The following TBL1X variants were observed in gnomAD, a reference collection of about 807,000 sequenced individuals.
TBL1X encodes transducin beta like 1 X-linked.
In TBL1X, 10 loss-of-function variants were observed where a neutral mutation model predicts 50.7. The observed-to-expected ratio is 0.20, with a 90% CI of 0.12 to 0.33. TBL1X has a LOEUF of 0.33. TBL1X is among the 10% of genes least tolerant of loss of function. The probability of loss-of-function intolerance (pLI) is 1.00; values close to 1 mark genes in which losing one functional copy is unlikely to be tolerated. For missense variants in TBL1X, 340 were observed against 504.4 expected, an observed-to-expected ratio of 0.67 and a Z score of 3.12; for synonymous variants, 190 against 214.7, an observed-to-expected ratio of 0.88 and a Z score of 1.01.
intron 1 of TBL1X, among the ~76,000 whole-genome samples, chrX:9,490,401 TG>T (rs2081934995): frequency 8.9e-6 from 1 of 111,853 alleles, no homozygotes; most frequent in Non-Finnish European, 1.9e-5. Context: ...CACAGCTGGG[TG>T]GGGGTTGCTC....
At chrX:9,610,641 T>C (rs1423984754) in intron 2 of TBL1X, among the ~76,000 whole-genome samples, 2 of 112,436 alleles carry the variant, frequency 1.8e-5, no homozygotes, top group African/African-American at 6.5e-5. Context: ...CTTTGACTGC[T>C]TTAGGGCATC....
intron 1 of TBL1X, among the ~76,000 whole-genome samples, chrX:9,479,619 G>A (rs961408318): frequency 1.8e-5 from 2 of 111,845 alleles, no homozygotes; most frequent in African/African-American, 6.5e-5. Flanking sequence ...AACACACTTT[G>A]TCTAAATTAG....
intron 5 of TBL1X, among the ~76,000 whole-genome samples, chrX:9,657,182 C>T (rs1020203455): frequency 9.0e-6 from 1 of 111,407 alleles, no homozygotes; most frequent in African/African-American, 3.3e-5. Flanking sequence ...TGGCAGGAAG[C>T]GGGTGGGGGT....
chrX:9,492,869 G>A (rs866043645), intron 1 of TBL1X, among the ~76,000 whole-genome samples: 12 of 62,227 alleles, frequency 1.9e-4, no homozygotes, highest in Admixed American at 6.5e-4. Context: ...GTGTGTGTGT[G>A]TGTGTGTGTG....
At chrX:9,694,234 A>G (rs919708444) in intron 11 of TBL1X, among the ~76,000 whole-genome samples, 3 of 72,875 alleles carry the variant, frequency 4.1e-5, no homozygotes, top group African/African-American at 1.7e-4. Flanking sequence ...TCTAGAATTG[A>G]GAAAAAAAAA....
intron 1 of TBL1X, among the ~76,000 whole-genome samples, chrX:9,496,570 C>T (rs995104581): frequency 8.0e-5 from 9 of 112,641 alleles, no homozygotes; most frequent in Non-Finnish European, 1.5e-4. Flanking sequence ...CAAATGCTGG[C>T]AGCCTCTTAG....
chrX:9,683,870 T>A, intron 5 of TBL1X, 173 bp from the exon 6 acceptor site: 2 of 650,338 alleles, frequency 3.1e-6, no homozygotes, highest in African/African-American at 2.1e-5. Context: ...CTCCCTGCCC[T>A]TTCCCACCTT....
At chrX:9,466,413 A>G (rs1177102257) in intron 1 of TBL1X, among the ~76,000 whole-genome samples, 1 of 112,766 alleles carries the variant, frequency 8.9e-6, no homozygotes, top group African/African-American at 3.2e-5. Flanking sequence ...GCTCCCTGCA[A>G]GGCCTCGTGT....
At chrX:9,578,516 A>T (rs1012182135) in intron 2 of TBL1X, among the ~76,000 whole-genome samples, 5 of 111,696 alleles carry the variant, frequency 4.5e-5, no homozygotes, top group African/African-American at 1.6e-4. Flanking sequence ...GCCAAGCTGG[A>T]GCCTGCAGAA....
At chrX:9,536,383 T>C (rs1301732467) in intron 2 of TBL1X, among the ~76,000 whole-genome samples, 1 of 109,867 alleles carries the variant, frequency 9.1e-6, no homozygotes, top group Non-Finnish European at 1.9e-5. Context: ...CCGGAGTAGC[T>C]GGGACTACAG....
intron 2 of TBL1X, among the ~76,000 whole-genome samples, chrX:9,633,220 G>T (rs1465515066): frequency 8.9e-6 from 1 of 111,841 alleles, no homozygotes; most frequent in Non-Finnish European, 1.9e-5. Context: ...TGCAAAATTG[G>T]TCATTGATTA....
chrX:9,506,141 A>G (rs1601720660), intron 2 of TBL1X, among the ~76,000 whole-genome samples: 2 of 112,624 alleles, frequency 1.8e-5, no homozygotes, highest in Non-Finnish European at 1.9e-5. Flanking sequence ...CTCAGGATTA[A>G]GAAACTCATT....
intron 2 of TBL1X, among the ~76,000 whole-genome samples, chrX:9,638,571 A>G (rs2082759900): frequency 8.9e-6 from 1 of 112,468 alleles, no homozygotes; most frequent in Non-Finnish European, 1.9e-5. Context: ...AACAACATAT[A>G]TAAGAGATAA....
At chrX:9,712,664 G>A (rs2083254929) in intron 16 of TBL1X, among the ~76,000 whole-genome samples, 1 of 112,071 alleles carries the variant, frequency 8.9e-6, no homozygotes, top group Non-Finnish European at 1.9e-5. Context: ...AGTAGGTTCT[G>A]TTTGAGGACA....
In TBL1X at chrX:9,598,511, C is replaced by G. The variant is rs747277844; in HGVS notation, c.-130-41762C>G. Among the ~76,000 whole-genome samples, 156 of 111,837 alleles carry G rather than the reference C, an allele frequency of 1.4e-3. 1 individual carries two copies. The highest frequency in any genetic ancestry group is 2.3e-3 in the Non-Finnish European group (125 of 53,224). On this transcript the variant is annotated intron_variant, in intron 2 of 17. Transcript: ENST00000645353. ...AGTTTGCTCGCTACCCCGGGCATCACTTCTCACTGCCCAGGTGGCACTGGA... is the reference window on the plus strand; with the variant it reads ...AGTTTGCTCGCTACCCCGGGCATCAGTTCTCACTGCCCAGGTGGCACTGGA...
intron 2 of TBL1X, among the ~76,000 whole-genome samples, chrX:9,510,482 A>G (rs1265808758): frequency 2.7e-5 from 3 of 112,155 alleles, no homozygotes; most frequent in Non-Finnish European, 5.6e-5. Flanking sequence ...TGTCTGAAGG[A>G]TGGATTACAA....
At chrX:9,547,784 G>A (rs1244384519) in intron 2 of TBL1X, among the ~76,000 whole-genome samples, 1 of 106,230 alleles carries the variant, frequency 9.4e-6, no homozygotes, top group Non-Finnish European at 1.9e-5. Flanking sequence ...TTGCTATGGG[G>A]ATATCATTGC....
intron 3 of TBL1X, among the ~76,000 whole-genome samples, chrX:9,642,963 A>C (rs1296653658): frequency 8.9e-6 from 1 of 112,337 alleles, no homozygotes. Context: ...CCTGGAGGTG[A>C]GGCTCCGAGA....
chrX:9,495,580 C>T (rs2081967289), intron 1 of TBL1X, among the ~76,000 whole-genome samples: 1 of 111,376 alleles, frequency 9.0e-6, no homozygotes, highest in Non-Finnish European at 1.9e-5. Flanking sequence ...ATGTTGTTGT[C>T]AAGCAGTCAG....
Sources: gnomAD v4.1 joint callset for allele counts (sites outside exome capture counted in the v4.1 genomes callset) on GRCh38, gnomAD v4.1.1 for gene constraint, MANE v1.5 for transcripts, NCBI Gene and HGNC (gene_info 2026-07-23, HGNC 2026-07-21) for gene names.